Variants in FGFR2 observed in about 807,000 individuals in gnomAD.
FGFR2 encodes the protein fibroblast growth factor receptor 2, also known as BEK fibroblast growth factor receptor.
In FGFR2, 19 loss-of-function variants were observed where a neutral mutation model predicts 95.9. The observed-to-expected ratio is 0.20, with a 90% confidence interval of 0.14 to 0.29. The LOEUF is 0.29. FGFR2 is among the 10% of genes least tolerant of loss of function. The pLI is 1.00. For missense variants in FGFR2, 707 were observed against 1,056.9 expected, an observed-to-expected ratio of 0.67 and a Z score of 4.59; for synonymous variants, 392 against 393.3, an observed-to-expected ratio of 1.00 and a Z score of 0.04.
intron 17 of FGFR2, among the ~76,000 whole-genome samples, chr10:121,481,153 T>C (rs3135820): frequency 0.013 from 1,979 of 152,228 alleles, 20 homozygotes; most frequent in Non-Finnish European, 0.018. Context: ...CAGAAAGCAG[T>C]TGCCGACCCC....
At chr10:121,571,879 G>A (rs1395097451) in intron 2 of FGFR2, among the ~76,000 whole-genome samples, 1 of 151,828 alleles carries the variant, frequency 6.6e-6, no homozygotes, top group Admixed American at 6.6e-5. Flanking sequence ...GAAGCTGGAG[G>A]TTGTGGTGAG....
chr10:121,583,509 T>C (rs1017445075), intron 2 of FGFR2: 1 of 152,230 alleles, frequency 6.6e-6, no homozygotes, highest in Non-Finnish European at 1.5e-5. Context: ...CAGTCTCCCA[T>C]TGGTCTCCTT....
rs2133803132 is a variant in FGFR2, at chr10:121,485,589, A to C, written c.2058-57T>G. On this transcript the variant is annotated intron_variant, in intron 15 of 17. Transcript: ENST00000358487. This position sits in a 1 kb window ranked among gnomAD's most constrained non-coding sequence, Gnocchi z 4.2. Reference sequence around the variant, plus strand: ...AACCCATCCACGTTGCCAAAACCTAAACACGCCCAGCTGAGACATAAACAC... The same window carrying C: ...AACCCATCCACGTTGCCAAAACCTACACACGCCCAGCTGAGACATAAACAC... The C allele has an allele frequency of 1.2e-6, 2 of 1,612,612 alleles. No homozygotes were observed. Among genetic ancestry groups the C allele is most frequent in the East Asian group, 4.5e-5 (2 of 44,818 alleles).
chr10:121,571,954 TA>T (rs71482668), intron 2 of FGFR2, among the ~76,000 whole-genome samples: 321 of 146,704 alleles, frequency 2.2e-3, no homozygotes, highest in African/African-American at 7.5e-3. Flanking sequence ...AAAAAAAAAA[TA>T]AAAAAAAAAA....
rs2133686302 is a variant in FGFR2, at chr10:121,480,016, G to A, written c.2307C>T (p.Tyr769=). The A allele has an allele frequency of 6.2e-7, 1 of 1,614,088 alleles. No homozygotes were observed. Among genetic ancestry groups the A allele is most frequent in the African/African-American group, 1.3e-5 (1 of 75,062 alleles). Residue 769 remains tyrosine (Y), a synonymous_variant, in exon 18 of 18, where the codon TAC becomes TAT. Coordinates refer to ENST00000358487, the MANE Select transcript of FGFR2 (RefSeq NM_000141.5). ...GTTCGAGAGGTTGGCTGAGGTCCAA[G>A]TATTCCTGAAAGAAGGGAAGAGAGA... ...RILTLTTNEE[Y]LDLSQPLEQY... is the part of the protein sequence containing the mutation.
intron 2 of FGFR2, among the ~76,000 whole-genome samples, chr10:121,574,084 A>G (rs903243929): frequency 4.6e-5 from 7 of 152,202 alleles, no homozygotes; most frequent in Non-Finnish European, 7.3e-5. Flanking sequence ...AGTCCCAGTA[A>G]GAAGTCCTCA....
chr10:121,523,047 C>T (rs2981439), intron 6 of FGFR2, among the ~76,000 whole-genome samples: 139,719 of 152,312 alleles, frequency 0.92, 65,286 homozygotes, highest in East Asian at 1. Flanking sequence ...TGCAAATTGA[C>T]TTTACTGCAT....
intron 2 of FGFR2, among the ~76,000 whole-genome samples, chr10:121,589,624 G>T (rs1047276284): frequency 6.6e-6 from 1 of 152,170 alleles, no homozygotes; most frequent in Non-Finnish European, 1.5e-5. Flanking sequence ...AGTATAAAAT[G>T]ATACAAGTAC....
intron 9 of FGFR2, among the ~76,000 whole-genome samples, chr10:121,509,482 C>CTTTTTTTTTTTTTTTTTTTTTTTTT (rs67778522): frequency 2.2e-5 from 1 of 45,352 alleles, no homozygotes; most frequent in African/African-American, 8.7e-5. Flanking sequence ...TGTTTCTTTT[C>CTTTTTTTTTTTTTTTTTTTTTTTTT]TTTTTTTTTT....
chr10:121,481,477 T>A (rs1247903068), intron 17 of FGFR2, among the ~76,000 whole-genome samples: 1 of 151,924 alleles, frequency 6.6e-6, no homozygotes, highest in South Asian at 2.1e-4. Flanking sequence ...CATCCCAGCA[T>A]CCCAGAAGGG....
At chr10:121,571,148 C>A (rs1858620172) in intron 2 of FGFR2, among the ~76,000 whole-genome samples, 2 of 148,264 alleles carry the variant, frequency 1.3e-5, no homozygotes, top group African/African-American at 2.6e-5. Flanking sequence ...GCCACCACAC[C>A]TGGCTAATTT....
chr10:121,581,510 G>A (rs1860857834), intron 2 of FGFR2, among the ~76,000 whole-genome samples: 1 of 150,214 alleles, frequency 6.7e-6, no homozygotes, highest in Admixed American at 6.7e-5. Context: ...AGGCCAAGGT[G>A]GGAGGATCGC....
intron 9 of FGFR2, among the ~76,000 whole-genome samples, chr10:121,514,594 T>C (rs990917370): frequency 1.3e-5 from 2 of 152,292 alleles, no homozygotes; most frequent in East Asian, 1.9e-4. Context: ...CAAAATTCTG[T>C]GTAGAAAGTT....
At chr10:121,508,573 C>G (rs1408369379) in intron 9 of FGFR2, among the ~76,000 whole-genome samples, 1 of 152,112 alleles carries the variant, frequency 6.6e-6, no homozygotes, top group African/African-American at 2.4e-5. Flanking sequence ...CATGTGACAG[C>G]TTTTCAAATG....
intron 2 of FGFR2, among the ~76,000 whole-genome samples, chr10:121,588,081 T>C (rs959634409): frequency 1.3e-5 from 2 of 152,232 alleles, no homozygotes; most frequent in African/African-American, 4.8e-5. Flanking sequence ...AGCAAGATCA[T>C]GTCTTTTGCA....
chr10:121,497,471 G>A (rs1847024459), intron 12 of FGFR2, among the ~76,000 whole-genome samples: 1 of 152,078 alleles, frequency 6.6e-6, no homozygotes, highest in Admixed American at 6.6e-5. Flanking sequence ...AACCTGTTGG[G>A]CTTATAAAAA....
intron 13 of FGFR2, among the ~76,000 whole-genome samples, chr10:121,496,284 C>T (rs1369693263): frequency 6.6e-6 from 1 of 152,110 alleles, no homozygotes; most frequent in East Asian, 1.9e-4. Flanking sequence ...GGAAATCACA[C>T]ATGGTCCTGT....
In FGFR2 at chr10:121,478,575, G is replaced by A. The variant is rs1217610306; in HGVS notation, c.*1282C>T. 1.7e-5 allele frequency: 4 copies of A among 233,144 alleles called. No homozygotes were observed. The highest frequency in any genetic ancestry group is 8.5e-6 in the Non-Finnish European group (1 of 117,996). The allele number at this position is 233,144 out of a possible 1,614,324, so 14.4% of individuals were successfully genotyped here. On this transcript the variant is annotated 3_prime_UTR_variant, in exon 18 of 18. Coordinates refer to ENST00000358487, the MANE Select transcript of FGFR2 (RefSeq NM_000141.5). The stretch of plus-strand genomic sequence containing the variant: ...AACGGCGATATTTTGTCTGATGTAG[G>A]TATGAGGCTGGATCTTTTGGTGAGG...
intron 6 of FGFR2, among the ~76,000 whole-genome samples, chr10:121,533,808 G>A (rs1030893518): frequency 6.6e-6 from 1 of 152,160 alleles, no homozygotes; most frequent in African/African-American, 2.4e-5. Flanking sequence ...ACACCCAGAT[G>A]GAGGCCCCAG....
Sources: gnomAD v4.1 joint callset for allele counts (sites outside exome capture counted in the v4.1 genomes callset) on GRCh38, gnomAD v4.1.1 for gene constraint, Gnocchi (gnomAD v3.1) non-coding constraint, MANE v1.5 for transcripts, NCBI Gene and HGNC (gene_info 2026-07-23, HGNC 2026-07-21) for gene names.